Variants in DHX16 observed in about 807,000 individuals in gnomAD.
DHX16 encodes pre-mRNA-splicing factor ATP-dependent RNA helicase DHX16.
A neutral mutation model predicts 131.2 loss-of-function variants in DHX16; 81 were observed. The ratio of observed to expected loss-of-function variants is 0.62; its 90% confidence interval spans 0.52 to 0.74. DHX16 has a LOEUF of 0.74. DHX16 is among the 30% of genes least tolerant of loss of function. DHX16 has a pLI of 0.00. For missense variants in DHX16, 980 were observed against 1,363.1 expected, an observed-to-expected ratio of 0.72 and a Z score of 4.43; for synonymous variants, 440 against 520.2, an observed-to-expected ratio of 0.85 and a Z score of 2.10.
chr6:30,672,505 A>G (rs2127596949), intron 1 of DHX16, 130 bp downstream of exon 1: 1 of 825,362 alleles, frequency 1.2e-6, no homozygotes, highest in East Asian at 2.7e-5. Context: ...TCCAGCAGCT[A>G]GCACAGTACC....
chr6:30,672,504 T>C (rs1769659534), intron 1 of DHX16, 131 bp downstream of exon 1: 1 of 828,186 alleles, frequency 1.2e-6, no homozygotes, highest in South Asian at 1.7e-5. Context: ...GTCCAGCAGC[T>C]AGCACAGTAC....
intron 19 of DHX16, 81 bp from the exon 20 acceptor site, chr6:30,653,451 GAAAC>G: frequency 6.8e-7 from 1 of 1,470,030 alleles, no homozygotes; most frequent in Non-Finnish European, 9.0e-7. Context: ...TTCTTAAATT[GAAAC>G]AGAGTCTTGC....
At chr6:30,668,892 G>A (rs1214072508) in intron 4 of DHX16, among the ~76,000 whole-genome samples, 1 of 151,574 alleles carries the variant, frequency 6.6e-6, no homozygotes, top group African/African-American at 2.4e-5. Context: ...GATCACCTGA[G>A]GTCAGGAGTT....
In DHX16 at chr6:30,653,218, T is replaced by G; in HGVS notation, c.*24A>C. 4.4e-6 allele frequency: 7 copies of G among 1,605,126 alleles called. No individual in the cohort carries two copies. The highest frequency in any genetic ancestry group is 5.9e-6 in the Non-Finnish European group (7 of 1,177,822). On this transcript the variant is annotated 3_prime_UTR_variant, in exon 20 of 20. Transcript: ENST00000376442. ...TGTATAGAAGGAAAAGGAGCTGGTG[T>G]CAGGTTCTGTTTACGTCCTTCTCTT...
In DHX16 at chr6:30,655,544, T is replaced by C. The variant is rs749334371; in HGVS notation, c.2552A>G (p.Asn851Ser). ...LTVAAMLSVN[N>S]SIFYRPKDKV... ...GTCCTTTGGTCGGTAGAAGATGGAG[T>C]TGTTGACAGAGAGCATGGCAGCCAC... is the stretch of plus-strand genomic sequence containing the variant. Residue 851 changes from asparagine to serine, a missense_variant, in exon 17 of 20, where the codon AAC (asparagine) becomes AGC (serine). Coordinates refer to ENST00000376442, the MANE Select transcript of DHX16 (RefSeq NM_003587.5). 5.0e-6 allele frequency: 8 copies of C among 1,612,842 alleles called. No individual in the cohort carries two copies. Among genetic ancestry groups the C allele is most frequent in the Admixed American group, 1.7e-5 (1 of 59,986 alleles).
intron 9 of DHX16, chr6:30,661,801 G>A (rs1768540154): frequency 1.4e-6 from 1 of 717,812 alleles, no homozygotes; most frequent in Non-Finnish European, 2.6e-6. Flanking sequence ...AAAGCAGGCT[G>A]GCTCGATGGG....
At chr6:30,654,942 C>A in intron 18 of DHX16, 63 bp from the exon 19 acceptor site, 2 of 1,529,812 alleles carry the variant, frequency 1.3e-6, no homozygotes, top group Non-Finnish European at 8.9e-7. Context: ...CCTAAGAATG[C>A]ACTACCTTTT....
rs771884494 is a variant in DHX16 at position 30,655,400 on chromosome 6, G to A, written c.2661+35C>T. ...TATACAGCAGGACTAAAGTCCCCCA[G>A]TGTCTCTCATTCCCACTCACCCAAG... On this transcript the variant is annotated intron_variant, in intron 17 of 19. Transcript: ENST00000376442. The A allele has an allele frequency of 1.9e-6, 3 of 1,613,862 alleles. No homozygotes were observed. In the African/African-American group the frequency reaches 4.0e-5, roughly 22 times the overall value.
At chr6:30,666,410 C>G (rs553550037) in intron 4 of DHX16, among the ~76,000 whole-genome samples, 46 of 152,314 alleles carry the variant, frequency 3.0e-4, no homozygotes, top group Admixed American at 5.9e-4. Flanking sequence ...TGGATGACAG[C>G]AGAAAACTGG....
chr6:30,662,702 C>T lies in DHX16; in HGVS notation c.1469G>A (p.Arg490Gln), dbSNP rs763614322. 4 of 1,613,084 alleles carry T rather than the reference C, an allele frequency of 2.5e-6. No individual in the cohort carries two copies. Among genetic ancestry groups the T allele is most frequent in the Admixed American group, 1.7e-5 (1 of 60,028 alleles). Residue 490 changes from arginine to glutamine, a missense_variant, in exon 9 of 20, where the codon CGA becomes CAA. Transcript: ENST00000376442. The surrounding 1 kb of genome is among the most constrained non-coding windows in gnomAD (Gnocchi z 4.7). ...ATCTGTCATGTAGCGGAGGACAGTTCGCTCTGATGTGCAGTCCTCAAAGCG... is the reference window on the plus strand; with the variant it reads ...ATCTGTCATGTAGCGGAGGACAGTTTGCTCTGATGTGCAGTCCTCAAAGCG... ...SIRFEDCTSE[R>Q]TVLRYMTDGM...
intron 12 of DHX16, among the ~76,000 whole-genome samples, chr6:30,658,431 C>A (rs1329162235): frequency 6.6e-6 from 1 of 151,932 alleles, no homozygotes; most frequent in Non-Finnish European, 1.5e-5. Flanking sequence ...GTAATCCCAG[C>A]TACTGGGGGG....
rs1196427317 is a variant in DHX16, at chr6:30,662,841, G to A, written c.1428+70C>T. 2.6e-6 allele frequency: 4 copies of A among 1,556,788 alleles called. No homozygotes were observed. Among genetic ancestry groups the A allele is most frequent in the Admixed American group, 1.7e-5 (1 of 59,734 alleles). On this transcript the variant is annotated intron_variant, in intron 8 of 19. Coordinates refer to ENST00000376442, the MANE Select transcript of DHX16 (RefSeq NM_003587.5). This position sits in a 1 kb window ranked among gnomAD's most constrained non-coding sequence, Gnocchi z 4.7. ...GGGCAGCACCAAGACTTCTGCTGTA[G>A]GGACCTGAGGGAACTGTAGACTGAG...
In DHX16 at chr6:30,670,134, TTTCA is replaced by T. The variant is rs1176242042; in HGVS notation, c.666+272_666+275del. 6.6e-6 allele frequency among the ~76,000 whole-genome samples: 1 copy of T among 152,154 alleles called. No individual in the cohort carries two copies. Among genetic ancestry groups the T allele is most frequent in the South Asian group, 2.1e-4 (1 of 4,830 alleles). ...ACTCAGGAATAGGGAAAGCTCACAA[TTTCA>T]TTCACTAATAGAGTATATTTGATCC... On this transcript the variant is annotated intron_variant, in intron 4 of 19. Coordinates refer to ENST00000376442, the MANE Select transcript of DHX16 (RefSeq NM_003587.5). This position sits in a 1 kb window ranked among gnomAD's most constrained non-coding sequence, Gnocchi z 4.4.
rs1248236247 is a variant in DHX16 at position 30,657,002 on chromosome 6, A to C, written c.2098T>G (p.Tyr700Asp). 1 of 1,612,982 alleles carries C rather than the reference A, an allele frequency of 6.2e-7. No individual in the cohort carries two copies. Among genetic ancestry groups the C allele is most frequent in the Non-Finnish European group, 8.5e-7 (1 of 1,180,018 alleles). The change falls in exon 13 of 20, where the codon TAC becomes GAC. Residue 700 changes from tyrosine (Y) to aspartate (D), a missense_variant. Tyr to Asp is a radical substitution (Grantham distance 160). Around this residue, in one of 3 missense-constraint regions of DHX16, gnomAD observed 309 missense variants for 537.1 expected, o/e 0.58. Coordinates refer to ENST00000376442, the MANE Select transcript of DHX16 (RefSeq NM_003587.5). The part of the protein sequence containing the change: ...LDPGFCKQKS[Y>D]NPRTGMESLT... ...GATTCCATGCCTGTGCGGGGGTTGT[A>C]GCTCTTCTGCTTACAGAACCCTGGA...
chr6:30,665,113 C>A lies in DHX16; in HGVS notation c.1083G>T (p.Glu361Asp). ...PKYQLVLEEE[E>D]TIEFVRATQL... ...GAGTGGCCCGGACAAACTCAATGGT[C>A]TCCTCCTCCTCCAGCACCAGTTGAT... Residue 361 changes from glutamate (E) to aspartate (D), a missense_variant, in exon 6 of 20, where the codon GAG (glutamate) becomes GAT (aspartate). By Grantham distance (45) the Glu-to-Asp change is conservative. Around this residue, in one of 3 missense-constraint regions of DHX16, gnomAD observed 457 missense variants for 554.8 expected, o/e 0.82. Transcript: ENST00000376442. This position sits in a 1 kb window ranked among gnomAD's most constrained non-coding sequence, Gnocchi z 4.8. 1 of 1,613,720 alleles carries A rather than the reference C, an allele frequency of 6.2e-7. No individual in the cohort carries two copies.
At chr6:30,657,960 A>G (rs1379803769) in intron 12 of DHX16, among the ~76,000 whole-genome samples, 1 of 152,314 alleles carries the variant, frequency 6.6e-6, no homozygotes, top group Non-Finnish European at 1.5e-5. Flanking sequence ...GATAGACCAC[A>G]AGTGCAAGTT....
chr6:30,655,741 T>TA, intron 16 of DHX16, 144 bp from the exon 17 acceptor site: 1 of 897,628 alleles, frequency 1.1e-6, no homozygotes. Flanking sequence ...AGCCAGCAGA[T>TA]AGATTCTGGC....
intron 7 of DHX16, among the ~76,000 whole-genome samples, 175 bp downstream of exon 7, chr6:30,664,626 C>A (rs1768839288): frequency 6.6e-6 from 1 of 152,116 alleles, no homozygotes; most frequent in Non-Finnish European, 1.5e-5. Context: ...GAAATGAATG[C>A]AGGAAGTGAG....
intron 9 of DHX16, chr6:30,661,940 A>G: frequency 1.4e-6 from 1 of 710,740 alleles, no homozygotes; most frequent in South Asian, 1.5e-5. Context: ...CCAAGACCAG[A>G]AATTCACAGC....
Sources: gnomAD v4.1 joint callset for allele counts (sites outside exome capture counted in the v4.1 genomes callset) on GRCh38, gnomAD v4.1.1 for gene constraint, gnomAD v4.1.1 regional missense constraint, Gnocchi (gnomAD v3.1) non-coding constraint, MANE v1.5 for transcripts, NCBI Gene and HGNC (gene_info 2026-07-23, HGNC 2026-07-21) for gene names.